The following SNTB2 variants were observed in gnomAD, a reference collection of about 807,000 sequenced individuals.
The protein encoded by SNTB2 is beta-2-syntrophin.
In SNTB2, 34 loss-of-function variants were observed where a neutral mutation model predicts 46.2. The observed-to-expected ratio is 0.74, with a 90% CI of 0.56 to 0.98. The LOEUF (loss-of-function observed/expected upper bound fraction) is 0.98. Among genes scored for constraint, SNTB2 ranks in the 50% least tolerant of loss-of-function variants. The probability of loss-of-function intolerance (pLI) is 0.00; values close to 1 mark genes in which losing one functional copy is unlikely to be tolerated. For missense variants in SNTB2, 603 were observed against 731.4 expected, an observed-to-expected ratio of 0.82 and a Z score of 2.02; for synonymous variants, 290 against 312.6, an observed-to-expected ratio of 0.93 and a Z score of 0.76.
intron 3 of SNTB2, among the ~76,000 whole-genome samples, chr16:69,266,442 T>G (rs541970336): frequency 3.8e-4 from 57 of 151,850 alleles, no homozygotes; most frequent in Non-Finnish European, 6.5e-4. Context: ...TAGTTTTCAT[T>G]TTTTTTTCCA....
intron 3 of SNTB2, among the ~76,000 whole-genome samples, chr16:69,261,851 T>C (rs1170440481): frequency 6.6e-6 from 1 of 152,200 alleles, no homozygotes; most frequent in African/African-American, 2.4e-5. Flanking sequence ...CCTTTTGCCC[T>C]GGAAAGGTAA....
At chr16:69,296,460 C>T (rs764400428) in intron 5 of SNTB2, among the ~76,000 whole-genome samples, 6 of 151,870 alleles carry the variant, frequency 4.0e-5, no homozygotes, top group Non-Finnish European at 8.8e-5. Flanking sequence ...GTGGCTCATG[C>T]CTGTAATCCC....
intron 5 of SNTB2, among the ~76,000 whole-genome samples, chr16:69,289,344 C>T (rs968504184): frequency 6.7e-6 from 1 of 149,512 alleles, no homozygotes; most frequent in South Asian, 2.1e-4. Context: ...TTGGGATGGG[C>T]GTGTTGTGAG....
At position 69,187,634 on chromosome 16, in the gene SNTB2, G is replaced by A. The variant is rs1399409248; in HGVS notation, c.468G>A (p.Ala156=). 2 of 1,553,298 alleles carry A rather than the reference G, an allele frequency of 1.3e-6. No individual in the cohort carries two copies. Among genetic ancestry groups the A allele is most frequent in the Admixed American group, 1.9e-5 (1 of 51,396 alleles). ...FPGLAADQSR[A]LRLGDAILSV... ...GGCTGGCTGCCGACCAGAGCCGGGCGCTGCGGCTGGGCGACGCCATCCTGT... is the reference window on the plus strand; with the variant it reads ...GGCTGGCTGCCGACCAGAGCCGGGCACTGCGGCTGGGCGACGCCATCCTGT... Residue 156 remains alanine (A), a synonymous_variant, in exon 1 of 7, where the codon GCG becomes GCA. Transcript: ENST00000336278.
chr16:69,197,927 A>G (rs1414606602), intron 1 of SNTB2, among the ~76,000 whole-genome samples: 1 of 152,234 alleles, frequency 6.6e-6, no homozygotes, highest in African/African-American at 2.4e-5. Flanking sequence ...GGATAAAAAT[A>G]CATATTTTTT....
chr16:69,196,589 G>T (rs983980488), intron 1 of SNTB2, among the ~76,000 whole-genome samples: 1 of 151,880 alleles, frequency 6.6e-6, no homozygotes, highest in African/African-American at 2.4e-5. Context: ...TGGTCAGGCT[G>T]GTCTCGAACT....
chr16:69,210,476 A>C (rs1329473244), intron 1 of SNTB2, among the ~76,000 whole-genome samples: 3 of 151,520 alleles, frequency 2.0e-5, no homozygotes, highest in Admixed American at 6.6e-5. Context: ...GATATCAGGC[A>C]ATCCACCTGC....
intron 1 of SNTB2, among the ~76,000 whole-genome samples, chr16:69,203,789 C>G (rs545101600): frequency 2.0e-5 from 3 of 151,972 alleles, no homozygotes; most frequent in Non-Finnish European, 4.4e-5. Context: ...ATTTTTGAGG[C>G]GGAGTTTCAC....
intron 4 of SNTB2, among the ~76,000 whole-genome samples, chr16:69,274,353 T>C (rs1964966333): frequency 1.4e-5 from 2 of 148,032 alleles, no homozygotes; most frequent in Non-Finnish European, 3.0e-5. Flanking sequence ...AATTTGGTCA[T>C]TGTTAAAAGA....
chr16:69,298,949 T>C (rs1965253352), intron 5 of SNTB2, among the ~76,000 whole-genome samples: 1 of 152,168 alleles, frequency 6.6e-6, no homozygotes, highest in Non-Finnish European at 1.5e-5. Flanking sequence ...AATTGGGGAT[T>C]TCCTGTCTAT....
At chr16:69,280,660 C>T (rs1218251946) in intron 4 of SNTB2, among the ~76,000 whole-genome samples, 2 of 152,174 alleles carry the variant, frequency 1.3e-5, no homozygotes, top group African/African-American at 2.4e-5. Flanking sequence ...CCAGTAGGGG[C>T]GGCCGGCTTT....
chr16:69,280,402 T>A (rs374908813), intron 4 of SNTB2, among the ~76,000 whole-genome samples: 1 of 151,622 alleles, frequency 6.6e-6, no homozygotes, highest in Admixed American at 6.6e-5. Flanking sequence ...GGGTGGTTGC[T>A]GGGCAGAGGG....
intron 1 of SNTB2, among the ~76,000 whole-genome samples, chr16:69,199,429 C>A (rs1964137978): frequency 6.6e-6 from 1 of 151,782 alleles, no homozygotes; most frequent in South Asian, 2.1e-4. Flanking sequence ...ACACAGGCAG[C>A]ATTAATTAAA....
chr16:69,284,161 C>A lies in SNTB2; in HGVS notation c.1262C>A (p.Thr421Lys), dbSNP rs759512339. 1 of 1,614,024 alleles carries A rather than the reference C, an allele frequency of 6.2e-7. No homozygotes were observed. The highest frequency in any genetic ancestry group is 8.5e-7 in the Non-Finnish European group (1 of 1,179,988). ...GAGATGCATCTCTTCAGGGTGGAGA[C>A]ACATCGGGATCTGTCATCCTGGACC... ...GIEMHLFRVE[T>K]HRDLSSWTRI... The change falls in exon 5 of 7, where the codon ACA becomes AAA. Residue 421 changes from threonine (T) to lysine (K), a missense_variant. Around this residue, in one of 2 missense-constraint regions of SNTB2, gnomAD observed 537 missense variants for 692.4 expected, o/e 0.78. Coordinates refer to ENST00000336278, the MANE Select transcript of SNTB2 (RefSeq NM_006750.4).
intron 4 of SNTB2, among the ~76,000 whole-genome samples, chr16:69,272,644 C>T (rs1964948950): frequency 1.3e-5 from 2 of 150,386 alleles, no homozygotes. Context: ...GTAATCACAA[C>T]ACTTTGGGAG....
intron 4 of SNTB2, among the ~76,000 whole-genome samples, chr16:69,273,347 G>A (rs1200998476): frequency 6.6e-6 from 1 of 152,334 alleles, no homozygotes; most frequent in South Asian, 2.1e-4. Context: ...ATCAACTGAT[G>A]AATGGATAAA....
intron 2 of SNTB2, among the ~76,000 whole-genome samples, chr16:69,247,266 T>A (rs1161513335): frequency 6.6e-6 from 1 of 152,080 alleles, no homozygotes; most frequent in Non-Finnish European, 1.5e-5. Flanking sequence ...TTAGATTGGA[T>A]AATTTCTGAT....
rs1443190460 is a variant in SNTB2 at position 69,229,817 on chromosome 16, G to A, written c.581-15785G>A. 7.6e-5 allele frequency among the ~76,000 whole-genome samples: 11 copies of A among 144,924 alleles called. 1 individual carries two copies. The highest frequency in any genetic ancestry group is 2.8e-4 in the African/African-American group (11 of 39,492). On this transcript the variant is annotated intron_variant, in intron 1 of 6. Transcript: ENST00000336278. ...AGATCATGCCACTGCACTCCAGCCT[G>A]GGTGACAGGAGCAAGACCCTGTCTC...
chr16:69,210,982 C>T (rs1346666500), intron 1 of SNTB2, among the ~76,000 whole-genome samples: 2 of 152,062 alleles, frequency 1.3e-5, no homozygotes, highest in Admixed American at 6.5e-5. Flanking sequence ...CAGAGCGAGA[C>T]TCCGTCTCAA....
Sources: gnomAD v4.1 joint callset for allele counts (sites outside exome capture counted in the v4.1 genomes callset) on GRCh38, gnomAD v4.1.1 for gene constraint, gnomAD v4.1.1 regional missense constraint, MANE v1.5 for transcripts, NCBI Gene and HGNC (gene_info 2026-07-23, HGNC 2026-07-21) for gene names.